SETD2: variants seen among roughly 807,000 people sequenced by gnomAD.
SETD2 encodes the protein SET domain containing 2, histone lysine methyltransferase, also known as histone-lysine N-methyltransferase SETD2.
A neutral mutation model predicts 242.1 loss-of-function variants in SETD2; 31 were observed. The observed-to-expected ratio is 0.13, with a 90% confidence interval of 0.10 to 0.17. The LOEUF is 0.17. SETD2 is among the 10% of genes least tolerant of loss of function. SETD2 has a pLI of 1.00. For missense variants in SETD2, 2,481 were observed against 3,046.3 expected, an observed-to-expected ratio of 0.81 and a Z score of 4.37; for synonymous variants, 1,006 against 1,066.5, an observed-to-expected ratio of 0.94 and a Z score of 1.11.
chr3:47,071,992 C>T (rs1282121956), intron 12 of SETD2, among the ~76,000 whole-genome samples: 2 of 152,090 alleles, frequency 1.3e-5, no homozygotes, highest in Non-Finnish European at 1.5e-5. Context: ...TAGACTGTTC[C>T]TGAGCTAAAC....
At chr3:47,099,649 G>C (rs1043624685) in intron 8 of SETD2, among the ~76,000 whole-genome samples, 4 of 152,070 alleles carry the variant, frequency 2.6e-5, no homozygotes, top group Non-Finnish European at 5.9e-5. Context: ...TTGTGCTATG[G>C]CCCAGGCTGG....
intron 17 of SETD2, among the ~76,000 whole-genome samples, chr3:47,040,780 C>T (rs1189573011): frequency 6.6e-6 from 1 of 151,762 alleles, no homozygotes; most frequent in African/African-American, 2.4e-5. Context: ...ACTATGGTGC[C>T]CAAGCTGGTC....
intron 1 of SETD2, among the ~76,000 whole-genome samples, chr3:47,160,495 A>G (rs1229035691): frequency 6.6e-6 from 1 of 150,810 alleles, no homozygotes; most frequent in East Asian, 1.9e-4. Flanking sequence ...TTTTTAGTAG[A>G]GACGAGGTTT....
intron 8 of SETD2, among the ~76,000 whole-genome samples, chr3:47,099,701 C>A (rs2042135798): frequency 6.6e-6 from 1 of 152,038 alleles, no homozygotes; most frequent in African/African-American, 2.4e-5. Flanking sequence ...CCTCAATGTC[C>A]TAGGCTCAAG....
At position 47,094,554 on chromosome 3, in the gene SETD2, T is replaced by G. The variant is rs182192562; in HGVS notation, c.5142+3401A>C. On this transcript the variant is annotated intron_variant, in intron 9 of 20. Transcript: ENST00000409792. ...GGCTCAACCTTGTGAGTTCAAACAG[T>G]TGAATTCTGTGATTCTGCTTCTGTG... Among the ~76,000 whole-genome samples the G allele has an allele frequency of 1.4e-4, 21 of 152,342 alleles. No homozygotes were observed. The East Asian group carries it at 4.0e-3, about 29-fold the overall frequency.
chr3:47,134,461 A>G (rs2043548780), intron 1 of SETD2, among the ~76,000 whole-genome samples: 1 of 152,094 alleles, frequency 6.6e-6, no homozygotes, highest in African/African-American at 2.4e-5. Context: ...GGTCATACAC[A>G]TTTGCAAACC....
chr3:47,155,573 G>A (rs1022290096), intron 1 of SETD2, among the ~76,000 whole-genome samples: 1 of 152,192 alleles, frequency 6.6e-6, no homozygotes, highest in Non-Finnish European at 1.5e-5. Flanking sequence ...AGCACTTTGG[G>A]AGACTGAGGT....
intron 18 of SETD2, among the ~76,000 whole-genome samples, chr3:47,034,223 C>T (rs948177194): frequency 2.6e-5 from 4 of 152,180 alleles, no homozygotes; most frequent in African/African-American, 9.7e-5. Context: ...TCTCTAACAA[C>T]TGAGTGAAGC....
intron 12 of SETD2, among the ~76,000 whole-genome samples, chr3:47,075,766 G>GT (rs1403094775): frequency 1.3e-5 from 2 of 152,086 alleles, no homozygotes; most frequent in Non-Finnish European, 2.9e-5. Flanking sequence ...TCATGGGCCT[G>GT]TTTGATTCCA....
At chr3:47,105,540 C>T (rs540669358) in intron 6 of SETD2, 2 of 233,390 alleles carry the variant, frequency 8.6e-6, no homozygotes, top group East Asian at 1.5e-4. Context: ...TATTTTCTAC[C>T]TTGTCATGCA....
chr3:47,031,400 T>C (rs1451415426), intron 18 of SETD2, among the ~76,000 whole-genome samples: 1 of 152,244 alleles, frequency 6.6e-6, no homozygotes, highest in African/African-American at 2.4e-5. Context: ...TCAATTTTGC[T>C]ATGCCAAAAC....
At chr3:47,052,277 C>T (rs577747015) in intron 15 of SETD2, among the ~76,000 whole-genome samples, 1 of 152,220 alleles carries the variant, frequency 6.6e-6, no homozygotes, top group South Asian at 2.1e-4. Flanking sequence ...TTTAAGCAAT[C>T]TTCCCACCTC....
At chr3:47,031,591 G>C (rs2038773132) in intron 18 of SETD2, among the ~76,000 whole-genome samples, 1 of 152,178 alleles carries the variant, frequency 6.6e-6, no homozygotes, top group Admixed American at 6.5e-5. Flanking sequence ...AAATCTACAT[G>C]AGAGAATGAA....
At chr3:47,152,916 A>G (rs1257733873) in intron 1 of SETD2, among the ~76,000 whole-genome samples, 6 of 152,248 alleles carry the variant, frequency 3.9e-5, no homozygotes, top group African/African-American at 1.4e-4. Context: ...CAGAAAAAGC[A>G]TTCTAAAATA....
intron 17 of SETD2, among the ~76,000 whole-genome samples, chr3:47,040,761 T>C (rs1247491267): frequency 6.6e-6 from 1 of 151,810 alleles, no homozygotes; most frequent in African/African-American, 2.4e-5. Context: ...TTTGTAGAGA[T>C]GGGGTTTCAC....
At chr3:47,156,431 G>A (rs2044129108) in intron 1 of SETD2, among the ~76,000 whole-genome samples, 1 of 151,992 alleles carries the variant, frequency 6.6e-6, no homozygotes, top group African/African-American at 2.4e-5. Context: ...ACAATTCTTA[G>A]GAAAACACAG....
chr3:47,063,792 G>A (rs942368744), intron 13 of SETD2, among the ~76,000 whole-genome samples: 1 of 152,026 alleles, frequency 6.6e-6, no homozygotes, highest in African/African-American at 2.4e-5. Flanking sequence ...AGACCAGCCT[G>A]GCCAACACAG....
At chr3:47,088,008 T>C (rs2041638624) in intron 10 of SETD2, 105 bp downstream of exon 10, 9 of 1,120,490 alleles carry the variant, frequency 8.0e-6, no homozygotes, top group Non-Finnish European at 1.1e-5. Flanking sequence ...AATAAATAAA[T>C]AAAATAAGAC....
rs763860515 is a variant in SETD2, at chr3:47,062,199, G to C, written c.6257C>G (p.Ser2086Cys). 6.2e-7 allele frequency: 1 copy of C among 1,614,096 alleles called. No homozygotes were observed. The highest frequency in any genetic ancestry group is 8.5e-7 in the Non-Finnish European group (1 of 1,180,014). Reference sequence around the variant, plus strand: ...CCTTTTTGTTCCCCGCTCATAGGCAGAAGAGGGTGGTGAGAGGGAGCTTCT... The same window carrying C: ...CCTTTTTGTTCCCCGCTCATAGGCACAAGAGGGTGGTGAGAGGGAGCTTCT... Reference protein sequence around the residue: ...KRRSSLSPPSSAYERGTKRPD... With the variant: ...KRRSSLSPPSCAYERGTKRPD... Residue 2086 changes from serine to cysteine, a missense_variant, in exon 14 of 21, where the codon TCT (serine) becomes TGT (cysteine). Around this residue, in one of 17 missense-constraint regions of SETD2, gnomAD observed 80 missense variants for 102.6 expected, o/e 0.78. Coordinates refer to ENST00000409792, the MANE Select transcript of SETD2 (RefSeq NM_014159.7).
Sources: gnomAD v4.1 joint callset for allele counts (sites outside exome capture counted in the v4.1 genomes callset) on GRCh38, gnomAD v4.1.1 for gene constraint, gnomAD v4.1.1 regional missense constraint, MANE v1.5 for transcripts, NCBI Gene and HGNC (gene_info 2026-07-23, HGNC 2026-07-21) for gene names.